Variants in FIGN observed in about 807,000 individuals in gnomAD.
FIGN encodes the protein fidgetin, microtubule severing factor, also known as fidgetin.
Under a neutral mutation model 51.3 loss-of-function variants are expected in FIGN, and 11 were observed. The ratio of observed to expected loss-of-function variants is 0.21; its 90% CI spans 0.13 to 0.35. The LOEUF (loss-of-function observed/expected upper bound fraction) is 0.35. Among genes scored for constraint, FIGN ranks in the 10% least tolerant of loss-of-function variants. The pLI, the probability that FIGN is intolerant of heterozygous loss-of-function variation, is 1.00. For synonymous variants in FIGN, 407 were observed against 363.2 expected (o/e 1.12, Z -1.37); for missense variants, 857 against 943.6 (o/e 0.91, Z 1.20).
Position 163,604,491 on chromosome 2 carries a change from T to C in FIGN, c.*5061A>G, listed in dbSNP as rs1411354452. The stretch of plus-strand genomic sequence containing the variant: ...CATTATCTACCCTGCCACACTTCAC[T>C]AATGCGTCTTATCATTTAGGTTGCT... On this transcript the variant is annotated 3_prime_UTR_variant, in exon 3 of 3. Transcript: ENST00000333129. 2 of 152,134 alleles carry C rather than the reference T, an allele frequency of 1.3e-5. No homozygotes were observed. The highest frequency in any genetic ancestry group is 1.9e-4 in the East Asian group (1 of 5,198). The allele number at this position is 152,134 out of a possible 1,614,324, so 9.4% of individuals were successfully genotyped here.
At chr2:163,611,896 A>AT (rs1691270694) in intron 2 of FIGN, 90 bp from the exon 3 acceptor site, 1 of 1,025,466 alleles carries the variant, frequency 9.8e-7, no homozygotes, top group Non-Finnish European at 1.4e-6. Flanking sequence ...GTTACCTATT[A>AT]TTTTCCATTA....
At chr2:163,705,302 C>T (rs1684481824) in intron 2 of FIGN, among the ~76,000 whole-genome samples, 1 of 152,144 alleles carries the variant, frequency 6.6e-6, no homozygotes, top group African/African-American at 2.4e-5. Context: ...CTGATACCCA[C>T]CAGAAAAGCT....
At chr2:163,677,905 A>G (rs923944252) in intron 2 of FIGN, among the ~76,000 whole-genome samples, 4 of 152,222 alleles carry the variant, frequency 2.6e-5, no homozygotes, top group African/African-American at 7.2e-5. Context: ...GATGCAATAT[A>G]TACTGAATAA....
rs148226143 is a variant in FIGN at position 163,622,319 on chromosome 2, G to A, written c.26-10513C>T. On this transcript the variant is annotated intron_variant, in intron 2 of 2. Coordinates refer to ENST00000333129, the MANE Select transcript of FIGN (RefSeq NM_018086.4). ...CACTGCACTCCAGCCTCGGCGACAC[G>A]GTAAGACTGTCTCAAAAAAAATTAA... is the stretch of plus-strand genomic sequence containing the variant. Among the ~76,000 whole-genome samples the A allele has an allele frequency of 6.3e-4, 95 of 151,906 alleles. 1 individual carries two copies. The East Asian group carries it at 0.013, about 21-fold the overall frequency.
chr2:163,717,371 C>T (rs796761038), intron 2 of FIGN, among the ~76,000 whole-genome samples: 1 of 152,078 alleles, frequency 6.6e-6, no homozygotes, highest in Non-Finnish European at 1.5e-5. Context: ...GTATATCCAC[C>T]ATCCTAGGGT....
intron 2 of FIGN, among the ~76,000 whole-genome samples, chr2:163,619,564 A>G (rs1341840071): frequency 6.6e-6 from 1 of 152,140 alleles, no homozygotes; most frequent in Non-Finnish European, 1.5e-5. Flanking sequence ...ATTTTTGCCA[A>G]AATTTCATGT....
chr2:163,697,660 T>G (rs962477511), intron 2 of FIGN, among the ~76,000 whole-genome samples: 2 of 152,182 alleles, frequency 1.3e-5, no homozygotes, highest in African/African-American at 4.8e-5. Context: ...CAAGAGCCTT[T>G]GAAATCCCGC....
chr2:163,665,812 G>A (rs974353495), intron 2 of FIGN, among the ~76,000 whole-genome samples: 1 of 152,014 alleles, frequency 6.6e-6, no homozygotes, highest in Non-Finnish European at 1.5e-5. Flanking sequence ...AAATGATCCT[G>A]GATTCTTTTT....
intron 2 of FIGN, among the ~76,000 whole-genome samples, chr2:163,619,466 T>A (rs1194477277): frequency 6.6e-6 from 1 of 152,144 alleles, no homozygotes; most frequent in Non-Finnish European, 1.5e-5. Flanking sequence ...TAGCTTATGA[T>A]CTGAATTGGG....
At chr2:163,630,576 C>A (rs149809845) in intron 2 of FIGN, among the ~76,000 whole-genome samples, 4 of 151,396 alleles carry the variant, frequency 2.6e-5, no homozygotes, top group African/African-American at 4.9e-5. Context: ...CAGTGGACAA[C>A]CTTTCTATTG....
In FIGN at chr2:163,734,932, T is replaced by G; in HGVS notation, c.-5A>C. ...AACACTGGTGCTACTGATCATTTCT[T>G]GCTGGCAGCACAAAAAGCTGAATTG... is the stretch of plus-strand genomic sequence containing the variant. On this transcript the variant is annotated 5_prime_UTR_variant, in exon 2 of 3. Transcript: ENST00000333129. The G allele has an allele frequency of 1.2e-6, 2 of 1,611,956 alleles. No homozygotes were observed. Among genetic ancestry groups the G allele is most frequent in the Non-Finnish European group, 1.7e-6 (2 of 1,179,296 alleles).
chr2:163,645,803 G>A (rs1165704776), intron 2 of FIGN, among the ~76,000 whole-genome samples: 1 of 152,144 alleles, frequency 6.6e-6, no homozygotes, highest in Non-Finnish European at 1.5e-5. Flanking sequence ...TGAACCTGAT[G>A]CTCCACAACT....
At chr2:163,704,426 C>CTG (rs552630717) in intron 2 of FIGN, among the ~76,000 whole-genome samples, 70 of 151,944 alleles carry the variant, frequency 4.6e-4, no homozygotes, top group African/African-American at 1.5e-3. Flanking sequence ...TCCTTGTGGG[C>CTG]TGTGTGTGTG....
At chr2:163,614,513 T>G (rs1373455531) in intron 2 of FIGN, among the ~76,000 whole-genome samples, 1 of 151,912 alleles carries the variant, frequency 6.6e-6, no homozygotes, top group Non-Finnish European at 1.5e-5. Context: ...ATTATGGTTC[T>G]TTTCTTTAAA....
chr2:163,626,552 G>T (rs1239012103), intron 2 of FIGN, among the ~76,000 whole-genome samples: 1 of 152,088 alleles, frequency 6.6e-6, no homozygotes, highest in East Asian at 1.9e-4. Context: ...AATCATTTTG[G>T]TGGGTTTTAA....
At chr2:163,726,702 C>T (rs1184513535) in intron 2 of FIGN, among the ~76,000 whole-genome samples, 3 of 152,028 alleles carry the variant, frequency 2.0e-5, no homozygotes, top group South Asian at 4.1e-4. Context: ...TGCACAAGAA[C>T]ATATTCCATT....
intron 2 of FIGN, among the ~76,000 whole-genome samples, chr2:163,670,433 A>G (rs1336260307): frequency 6.6e-6 from 1 of 152,200 alleles, no homozygotes; most frequent in Non-Finnish European, 1.5e-5. Context: ...TCAACTAAAC[A>G]GCATGTAGTG....
chr2:163,676,466 T>TCTAGAGTCTGTGCTCTAGATA (rs1553499901), intron 2 of FIGN, among the ~76,000 whole-genome samples: 1 of 106,918 alleles, frequency 9.4e-6, no homozygotes, highest in African/African-American at 3.4e-5. Flanking sequence ...TATATATATA[T>TCTAGAGTCTGTGCTCTAGATA]ATATATATAT....
At chr2:163,724,163 G>C (rs968886323) in intron 2 of FIGN, among the ~76,000 whole-genome samples, 1 of 152,118 alleles carries the variant, frequency 6.6e-6, no homozygotes, top group Admixed American at 6.5e-5. Context: ...GCTTACCCAA[G>C]GTAACAAAAT....
Sources: gnomAD v4.1 joint callset for allele counts (sites outside exome capture counted in the v4.1 genomes callset) on GRCh38, gnomAD v4.1.1 for gene constraint, MANE v1.5 for transcripts, NCBI Gene and HGNC (gene_info 2026-07-23, HGNC 2026-07-21) for gene names.